The following SEMA6D variants were observed in gnomAD, a reference collection of about 807,000 sequenced individuals.
The protein encoded by SEMA6D is semaphorin 6D.
A neutral mutation model predicts 106.6 loss-of-function variants in SEMA6D; 35 were observed. That is an observed-to-expected ratio of 0.33 (90% CI 0.25 to 0.44). The LOEUF (loss-of-function observed/expected upper bound fraction) is 0.44. Among genes scored for constraint, SEMA6D ranks in the 20% least tolerant of loss-of-function variants. The pLI is 1.00. For synonymous variants in SEMA6D, 499 were observed against 487.7 expected (o/e 1.02, Z -0.31); for missense variants, 1,185 against 1,345.9 (o/e 0.88, Z 1.87).
intron 3 of SEMA6D, among the ~76,000 whole-genome samples, chr15:47,522,226 A>C (rs574363822): frequency 6.6e-6 from 1 of 152,324 alleles, no homozygotes; most frequent in South Asian, 2.1e-4. Flanking sequence ...TTTCAATAAC[A>C]ATGCAAAGCA....
At chr15:47,591,528 G>C (rs920498935) in intron 3 of SEMA6D, among the ~76,000 whole-genome samples, 1 of 152,130 alleles carries the variant, frequency 6.6e-6, no homozygotes, top group Admixed American at 6.6e-5. Context: ...ATGGCACCTA[G>C]CTTCCCCCAG....
At chr15:47,217,773 A>G in intron 1 of SEMA6D, among the ~76,000 whole-genome samples, 1 of 151,664 alleles carries the variant, frequency 6.6e-6, no homozygotes, top group South Asian at 2.1e-4. Flanking sequence ...AAATATATAT[A>G]TTTAAATATG....
chr15:47,742,958 T>TTCTCTC, intron 1 of SEMA6D, among the ~76,000 whole-genome samples: 1 of 152,300 alleles, frequency 6.6e-6, no homozygotes, highest in East Asian at 1.9e-4. Flanking sequence ...TTAGGCTAAT[T>TTCTCTC]TCTCTCAATC....
intron 1 of SEMA6D, among the ~76,000 whole-genome samples, chr15:47,403,950 T>A (rs926967834): frequency 6.6e-6 from 1 of 152,126 alleles, no homozygotes; most frequent in Non-Finnish European, 1.5e-5. Flanking sequence ...GATAAAAGAT[T>A]CGGGATGAGA....
intron 3 of SEMA6D, among the ~76,000 whole-genome samples, chr15:47,566,279 C>A (rs1267618663): frequency 6.6e-6 from 1 of 152,184 alleles, no homozygotes; most frequent in African/African-American, 2.4e-5. Context: ...TTGACAGATT[C>A]ATGCTAGGCC....
At chr15:47,193,309 C>T (rs913934035) in intron 1 of SEMA6D, among the ~76,000 whole-genome samples, 5 of 152,134 alleles carry the variant, frequency 3.3e-5, no homozygotes, top group Admixed American at 3.3e-4. Context: ...ACGAAATGCT[C>T]CAAGATCTGC....
At chr15:47,436,784 T>C (rs1595991681) in intron 2 of SEMA6D, among the ~76,000 whole-genome samples, 1 of 146,426 alleles carries the variant, frequency 6.8e-6, no homozygotes, top group Middle Eastern at 3.6e-3. Flanking sequence ...TATATATATA[T>C]ATAGCTGGAA....
At chr15:47,296,406 A>G (rs1292520532) in intron 1 of SEMA6D, among the ~76,000 whole-genome samples, 15 of 152,210 alleles carry the variant, frequency 9.9e-5, no homozygotes, top group South Asian at 2.1e-4. Context: ...TCAATACAAC[A>G]TAAGTGTGGC....
chr15:47,591,631 T>C (rs2076442073), intron 3 of SEMA6D, among the ~76,000 whole-genome samples: 1 of 152,148 alleles, frequency 6.6e-6, no homozygotes, highest in African/African-American at 2.4e-5. Context: ...TATGAGAGGA[T>C]AGGCTCCAGA....
Position 47,418,512 on chromosome 15 carries a change from C to T in SEMA6D, c.-159+6040C>T, listed in dbSNP as rs561703761. Among the ~76,000 whole-genome samples, 9 of 152,082 alleles carry T rather than the reference C, an allele frequency of 5.9e-5. No homozygotes were observed. In the South Asian group the frequency reaches 1.2e-3, roughly 21 times the overall value. ...GTTTGTCCTTACATGGTGAGAGAGG[C>T]GGTAAAGCTCTCTGGGATTTTTAAA... On this transcript the variant is annotated intron_variant, in intron 2 of 19. Coordinates refer to the SEMA6D transcript ENST00000558014.
At chr15:47,508,668 C>A (rs974285095) in intron 3 of SEMA6D, among the ~76,000 whole-genome samples, 19 of 152,308 alleles carry the variant, frequency 1.2e-4, no homozygotes, top group Non-Finnish European at 2.5e-4. Flanking sequence ...CAAATCAGGA[C>A]TTTATTTTTC....
At chr15:47,733,334 T>C (rs964323445) in intron 1 of SEMA6D, among the ~76,000 whole-genome samples, 24 of 152,338 alleles carry the variant, frequency 1.6e-4, no homozygotes, top group African/African-American at 5.5e-4. Flanking sequence ...TAAGACATCA[T>C]AAAACACAGG....
intron 4 of SEMA6D, among the ~76,000 whole-genome samples, chr15:47,631,749 G>A (rs1642279079): frequency 6.6e-6 from 1 of 151,942 alleles, no homozygotes; most frequent in South Asian, 2.1e-4. Flanking sequence ...ACTCATTTCA[G>A]ACTTCAGATC....
intron 3 of SEMA6D, among the ~76,000 whole-genome samples, chr15:47,535,427 T>C (rs537456129): frequency 1.2e-4 from 18 of 152,126 alleles, no homozygotes; most frequent in Non-Finnish European, 2.2e-4. Context: ...TGCTTCAAAG[T>C]ACCTGATGTT....
At chr15:47,763,234 G>T in intron 9 of SEMA6D, 130 bp downstream of exon 9, 1 of 595,198 alleles carries the variant, frequency 1.7e-6, no homozygotes, top group Non-Finnish European at 2.8e-6. Context: ...GCCAACTGCA[G>T]AGAGGTGGGT....
At chr15:47,224,419 G>A (rs2031477152) in intron 1 of SEMA6D, among the ~76,000 whole-genome samples, 1 of 151,992 alleles carries the variant, frequency 6.6e-6, no homozygotes, top group South Asian at 2.1e-4. Context: ...ACTATGCTAA[G>A]TACTTTTCAT....
chr15:47,442,797 G>A (rs1453325872), intron 2 of SEMA6D, among the ~76,000 whole-genome samples: 1 of 152,040 alleles, frequency 6.6e-6, no homozygotes, highest in African/African-American at 2.4e-5. Flanking sequence ...CACCTTTTGT[G>A]GGTGTTGATT....
intron 1 of SEMA6D, among the ~76,000 whole-genome samples, chr15:47,330,488 A>G (rs1194517202): frequency 6.6e-6 from 1 of 152,068 alleles, no homozygotes; most frequent in Non-Finnish European, 1.5e-5. Flanking sequence ...CTGCTTCCAT[A>G]TTTTCCATGT....
Position 47,610,471 on chromosome 15 carries a change from T to C in SEMA6D, c.-55+9575T>C, listed in dbSNP as rs555312945. The stretch of plus-strand genomic sequence containing the variant: ...GGGCTCTATTTGAATACATGTTTTT[T>C]TATGCCCTTAATACCTGTGTGATGA... On this transcript the variant is annotated intron_variant, in intron 4 of 19. Transcript: ENST00000558014. Among the ~76,000 whole-genome samples the C allele has an allele frequency of 3.9e-5, 6 of 152,358 alleles. No homozygotes were observed. In the East Asian group the frequency reaches 1.2e-3, roughly 29 times the overall value.
Sources: gnomAD v4.1 joint callset for allele counts (sites outside exome capture counted in the v4.1 genomes callset) on GRCh38, gnomAD v4.1.1 for gene constraint, MANE v1.5 for transcripts, NCBI Gene and HGNC (gene_info 2026-07-23, HGNC 2026-07-21) for gene names.